The following RARB variants were observed in gnomAD, a reference collection of about 807,000 sequenced individuals.
RARB encodes the protein HBV-activated protein.
Under a neutral mutation model 51.9 loss-of-function variants are expected in RARB, and 17 were observed. The ratio of observed to expected loss-of-function variants is 0.33; its 90% CI spans 0.22 to 0.49. The LOEUF (loss-of-function observed/expected upper bound fraction) is 0.49. Ranked by LOEUF, RARB falls within the 20% of genes least tolerant of loss-of-function variation. The pLI, the probability that RARB is intolerant of heterozygous loss-of-function variation, is 0.99. For synonymous variants in RARB, 215 were observed against 195.4 expected (o/e 1.10, Z -0.84); for missense variants, 369 against 550.8 (o/e 0.67, Z 3.30).
intron 1 of RARB, among the ~76,000 whole-genome samples, chr3:25,451,658 G>T (rs995738893): frequency 6.6e-6 from 1 of 152,170 alleles, no homozygotes; most frequent in Non-Finnish European, 1.5e-5. Flanking sequence ...TAGACGAGTG[G>T]CAAGGTATGT....
At position 25,265,482 on chromosome 3, in the gene RARB, C is replaced by T. The variant is rs1373836737; in HGVS notation, c.178+90907C>T. Among the ~76,000 whole-genome samples, 4 of 152,176 alleles carry T rather than the reference C, an allele frequency of 2.6e-5. 1 individual carries two copies. The highest frequency in any genetic ancestry group is 2.9e-5 in the Non-Finnish European group (2 of 67,996). ...AGCTTAAACCACATATTTTTGTTGT[C>T]ATTGTTTTGAGACAGAGTCTTGCTC... On this transcript the variant is annotated intron_variant, in intron 5 of 11. Coordinates refer to the RARB transcript ENST00000383772.
chr3:25,209,819 C>A (rs1175843544), intron 5 of RARB, among the ~76,000 whole-genome samples: 1 of 152,168 alleles, frequency 6.6e-6, no homozygotes, highest in Non-Finnish European at 1.5e-5. Flanking sequence ...GTTAGTTGGC[C>A]TTCAGAATGC....
intron 1 of RARB, among the ~76,000 whole-genome samples, chr3:24,831,094 A>G (rs4496443): frequency 6.6e-6 from 1 of 152,128 alleles, no homozygotes; most frequent in African/African-American, 2.4e-5. Context: ...ACCTTTTGAC[A>G]GTCAGAAAGA....
intron 5 of RARB, among the ~76,000 whole-genome samples, chr3:25,234,518 A>G (rs1025815257): frequency 2.0e-5 from 3 of 151,848 alleles, no homozygotes; most frequent in Admixed American, 6.6e-5. Flanking sequence ...ATTCTATTCT[A>G]TTCTTCTATC....
chr3:24,841,642 T>C (rs1326159446), intron 1 of RARB, among the ~76,000 whole-genome samples: 1 of 152,214 alleles, frequency 6.6e-6, no homozygotes, highest in Non-Finnish European at 1.5e-5. Flanking sequence ...ATTCATTACA[T>C]AATTCTAATC....
At chr3:25,039,698 T>G (rs1482990146) in intron 2 of RARB, among the ~76,000 whole-genome samples, 2 of 152,210 alleles carry the variant, frequency 1.3e-5, no homozygotes, top group African/African-American at 4.8e-5. Context: ...TTTATTGTAA[T>G]AAATTTGGAG....
At chr3:25,532,809 C>A (rs979890303) in intron 3 of RARB, among the ~76,000 whole-genome samples, 3 of 152,182 alleles carry the variant, frequency 2.0e-5, no homozygotes, top group Non-Finnish European at 4.4e-5. Context: ...CACCGAGCCA[C>A]AAGATGAGAG....
chr3:25,164,200 G>A (rs62235884), intron 4 of RARB, among the ~76,000 whole-genome samples: 2 of 152,200 alleles, frequency 1.3e-5, no homozygotes, highest in Non-Finnish European at 2.9e-5. Flanking sequence ...GGTAGTAGGG[G>A]TGGGTGTTGG....
chr3:24,975,425 C>G (rs898551926), intron 2 of RARB, among the ~76,000 whole-genome samples: 3 of 152,090 alleles, frequency 2.0e-5, no homozygotes, highest in Non-Finnish European at 4.4e-5. Flanking sequence ...ATAATCCCTG[C>G]CTTCAAAGAG....
chr3:25,137,800 C>G (rs949401462), intron 4 of RARB, among the ~76,000 whole-genome samples: 2 of 152,068 alleles, frequency 1.3e-5, no homozygotes, highest in Admixed American at 6.6e-5. Context: ...CAGAGTCCAC[C>G]CTTCTAATTC....
At chr3:25,083,510 G>A (rs1699049114) in intron 3 of RARB, among the ~76,000 whole-genome samples, 1 of 151,744 alleles carries the variant, frequency 6.6e-6, no homozygotes, top group Non-Finnish European at 1.5e-5. Context: ...GTTTGTATTT[G>A]TCTGTTGGGG....
rs558468485 is a variant in RARB at position 25,092,509 on chromosome 3, C to A, written c.-328+32333C>A. ...TTTTTACTATTGTTCCTAATACTAC[C>A]TTTCATGGTGTGCCTGTAAAGTATA... On this transcript the variant is annotated intron_variant, in intron 3 of 11. Coordinates refer to the RARB transcript ENST00000383772. Among the ~76,000 whole-genome samples, 7 of 152,004 alleles carry A rather than the reference C, an allele frequency of 4.6e-5. No individual in the cohort carries two copies. In the East Asian group the frequency reaches 1.4e-3, roughly 29 times the overall value.
chr3:25,262,575 T>A (rs1158619775), intron 5 of RARB, among the ~76,000 whole-genome samples: 1 of 152,166 alleles, frequency 6.6e-6, no homozygotes, highest in Non-Finnish European at 1.5e-5. Flanking sequence ...ACGTTCATGG[T>A]CCCCTTCCTT....
intron 5 of RARB, among the ~76,000 whole-genome samples, chr3:25,297,134 G>A (rs886655989): frequency 2.6e-5 from 4 of 152,190 alleles, no homozygotes; most frequent in Admixed American, 6.5e-5. Flanking sequence ...TGAACTCTGT[G>A]ATGGTATGCA....
At chr3:25,020,164 A>T (rs1697602557) in intron 2 of RARB, 1 of 149,430 alleles carries the variant, frequency 6.7e-6, no homozygotes. Context: ...ATTTTATTTG[A>T]GAGAGGTGGG....
At chr3:25,347,890 A>G (rs1039524629) in intron 5 of RARB, among the ~76,000 whole-genome samples, 2 of 152,194 alleles carry the variant, frequency 1.3e-5, no homozygotes, top group Non-Finnish European at 1.5e-5. Context: ...GAGTATGTAC[A>G]GCCCTGGTAA....
intron 3 of RARB, among the ~76,000 whole-genome samples, chr3:25,069,737 G>C (rs1259910478): frequency 6.6e-6 from 1 of 152,202 alleles, no homozygotes; most frequent in Admixed American, 6.5e-5. Flanking sequence ...AGATGAATGA[G>C]CAGTCTTTTT....
intron 4 of RARB, among the ~76,000 whole-genome samples, chr3:25,575,153 C>G (rs898846045): frequency 6.6e-6 from 1 of 152,096 alleles, no homozygotes; most frequent in Non-Finnish European, 1.5e-5. Flanking sequence ...CAACTTAGAT[C>G]CCTCGCATGC....
rs1419322149 is a variant in RARB, at chr3:24,989,951, C to T, written c.-379-70174C>T. On this transcript the variant is annotated intron_variant, in intron 2 of 11. Coordinates refer to the RARB transcript ENST00000383772. ...AGTAGCTGGGACTACAGGCGCCCGC[C>T]ACCGCGCCCGGCTAATTTTTTGTAT... 6.2e-5 allele frequency among the ~76,000 whole-genome samples: 6 copies of T among 96,526 alleles called. 3 individuals are homozygous for T. The highest frequency in any genetic ancestry group is 1.2e-4 in the Non-Finnish European group (6 of 49,346). The allele number at this position is 96,526 out of a possible 152,430, so 63.3% of individuals were successfully genotyped here.
Sources: allele counts gnomAD v4.1 joint callset (sites outside exome capture counted in the v4.1 genomes callset), GRCh38; gene constraint gnomAD v4.1.1; transcripts MANE v1.5; gene names NCBI Gene and HGNC (gene_info 2026-07-23, HGNC 2026-07-21).